Variants in BLMH observed in about 807,000 individuals in gnomAD.
BLMH encodes BLM hydrolase.
In BLMH, 32 loss-of-function variants were observed where a neutral mutation model predicts 61.6. That is an observed-to-expected ratio of 0.52 (90% CI 0.39 to 0.70). The LOEUF (loss-of-function observed/expected upper bound fraction) is 0.70, where lower values mean the gene tolerates loss of function less well. BLMH is among the 30% of genes least tolerant of loss of function. BLMH has a pLI of 0.00. For missense variants in BLMH, 460 were observed against 555.5 expected (o/e 0.83, Z 1.73); for synonymous variants, 183 against 193.8 (o/e 0.94, Z 0.46).
Position 30,249,293 on chromosome 17 carries a change from A to G in BLMH, c.1217-125T>C, listed in dbSNP as rs536704569. On this transcript the variant is annotated intron_variant, in intron 11 of 11. Transcript: ENST00000261714. The stretch of plus-strand genomic sequence containing the variant: ...CATATTTTTCAGCTTTCCCATCTGT[A>G]ATTTCATTTAATCTAAATCTTATTA... 1.5e-5 allele frequency: 15 copies of G among 992,552 alleles called. No individual in the cohort carries two copies. The East Asian group carries it at 3.4e-4, about 23-fold the overall frequency. The allele number at this position is 992,552 out of a possible 1,614,324, so 61.5% of individuals were successfully genotyped here.
intron 11 of BLMH, among the ~76,000 whole-genome samples, chr17:30,262,989 T>C (rs1908004425): frequency 6.6e-6 from 1 of 152,182 alleles, no homozygotes; most frequent in South Asian, 2.1e-4. Context: ...CCACAAATGA[T>C]GCTCTAGGGG....
intron 6 of BLMH, among the ~76,000 whole-genome samples, chr17:30,276,172 G>T (rs746032193): frequency 5.9e-5 from 9 of 152,094 alleles, no homozygotes; most frequent in Non-Finnish European, 1.3e-4. Flanking sequence ...TTGCTCCTTG[G>T]CTACAGGATT....
At chr17:30,287,696 T>C in intron 4 of BLMH, 110 bp downstream of exon 4, 1 of 1,282,140 alleles carries the variant, frequency 7.8e-7, no homozygotes, top group Non-Finnish European at 1.1e-6. Flanking sequence ...TATATCCTTC[T>C]TGGAGACCAA....
chr17:30,288,110 G>T, intron 3 of BLMH, 163 bp from the exon 4 acceptor site: 1 of 682,130 alleles, frequency 1.5e-6, no homozygotes, highest in Non-Finnish European at 2.3e-6. Context: ...TGTCATCCTT[G>T]TACAGAGGCC....
intron 11 of BLMH, among the ~76,000 whole-genome samples, chr17:30,260,791 G>A (rs532984877): frequency 2.6e-5 from 4 of 152,226 alleles, no homozygotes; most frequent in East Asian, 1.9e-4. Flanking sequence ...GCTGAGACAC[G>A]AGAATCGCTT....
At chr17:30,273,849 T>A (rs1324614815) in intron 7 of BLMH, 193 bp downstream of exon 7, 1 of 663,956 alleles carries the variant, frequency 1.5e-6, no homozygotes, top group African/African-American at 1.8e-5. Context: ...AGGAACATTG[T>A]GGAAAAGCTG....
intron 11 of BLMH, among the ~76,000 whole-genome samples, chr17:30,259,778 T>C (rs967516572): frequency 1.1e-4 from 17 of 152,154 alleles, no homozygotes; most frequent in African/African-American, 3.4e-4. Flanking sequence ...TAAATGTGAG[T>C]TGATGCTACT....
At chr17:30,291,581 A>C (rs1908891626) in intron 1 of BLMH, 73 bp from the exon 2 acceptor site, 2 of 1,568,824 alleles carry the variant, frequency 1.3e-6, no homozygotes, top group Non-Finnish European at 1.7e-6. Flanking sequence ...CCGCGTCCCG[A>C]ATCTAACTTC....
rs1908904972 is a variant in BLMH at position 30,291,876 on chromosome 17, C to T, written c.-57G>A. On this transcript the variant is annotated 5_prime_UTR_variant, in exon 1 of 12. Coordinates refer to ENST00000261714, the MANE Select transcript of BLMH (RefSeq NM_000386.4). ...GCTTCCAGGGTCCTTGGGCGAGCGC[C>T]GGGATTGCGCTGCGGCTCGCTGCCT... is the stretch of plus-strand genomic sequence containing the variant. 2 of 1,273,598 alleles carry T rather than the reference C, an allele frequency of 1.6e-6. No homozygotes were observed. The highest frequency in any genetic ancestry group is 2.0e-6 in the Non-Finnish European group (2 of 1,012,896). 78.9% of individuals were successfully genotyped at this position (1,273,598 alleles called of 1,614,324 possible). A position where few individuals can be genotyped will look rare whatever the true frequency, so the allele number is the denominator to read the frequency against.
chr17:30,272,062 T>A (rs1028076063), intron 9 of BLMH, among the ~76,000 whole-genome samples: 1 of 152,194 alleles, frequency 6.6e-6, no homozygotes, highest in Non-Finnish European at 1.5e-5. Flanking sequence ...AAATAGAGAA[T>A]GGTGAACAGT....
intron 3 of BLMH, chr17:30,288,280 T>C (rs999538104): frequency 4.3e-6 from 1 of 234,686 alleles, no homozygotes; most frequent in Non-Finnish European, 8.4e-6. Flanking sequence ...TATCCCAATA[T>C]ATTGTGTATA....
At chr17:30,260,696 A>G (rs1390545731) in intron 11 of BLMH, among the ~76,000 whole-genome samples, 1 of 152,042 alleles carries the variant, frequency 6.6e-6, no homozygotes, top group South Asian at 2.1e-4. Flanking sequence ...CCTGGCCAAC[A>G]GGTGAAACAC....
rs1907599192 is a variant in BLMH at position 30,248,920 on chromosome 17, C to A, written c.*97G>T. 2 of 1,434,098 alleles carry A rather than the reference C, an allele frequency of 1.4e-6. No homozygotes were observed. Among genetic ancestry groups the A allele is most frequent in the East Asian group, 2.3e-5 (1 of 43,630 alleles). The allele number at this position is 1,434,098 out of a possible 1,614,324, so 88.8% of individuals were successfully genotyped here. A position where few individuals can be genotyped will look rare whatever the true frequency, so the allele number is the denominator to read the frequency against. On this transcript the variant is annotated 3_prime_UTR_variant, in exon 12 of 12. Transcript: ENST00000261714. ...GAAATCTGACTGTGTCCTGTGGCAA[C>A]ACACAGTCCCTTGCATAACTTTGGC...
intron 11 of BLMH, among the ~76,000 whole-genome samples, chr17:30,255,924 ACT>A (rs1253550382): frequency 1.6e-4 from 24 of 152,220 alleles, no homozygotes; most frequent in Non-Finnish European, 1.9e-4. Flanking sequence ...ACAAGCTCTC[ACT>A]CTGTTACCCA....
intron 9 of BLMH, 76 bp downstream of exon 9, chr17:30,272,485 G>A (rs1597662684): frequency 6.5e-7 from 1 of 1,531,128 alleles, no homozygotes; most frequent in Non-Finnish European, 9.0e-7. Flanking sequence ...CCTCGGCAGA[G>A]TCATTTTGTA....
intron 10 of BLMH, 146 bp from the exon 11 acceptor site, chr17:30,267,100 A>C (rs1320276714): frequency 1.1e-5 from 7 of 662,072 alleles, no homozygotes; most frequent in Non-Finnish European, 1.9e-5. Context: ...CCTGCTCTAA[A>C]CAGTACTTGG....
chr17:30,289,531 C>T (rs745925379), intron 2 of BLMH, 49 bp from the exon 3 acceptor site: 1 of 1,299,070 alleles, frequency 7.7e-7, no homozygotes, highest in South Asian at 1.5e-5. Context: ...ACATAGACTG[C>T]ACTGCTCCAA....
chr17:30,288,090 T>C, intron 3 of BLMH, 143 bp from the exon 4 acceptor site: 1 of 844,166 alleles, frequency 1.2e-6, no homozygotes, highest in Non-Finnish European at 1.8e-6. Context: ...GAAACCTTCA[T>C]GAATTTGCAT....
chr17:30,291,397 T>C lies in BLMH; in HGVS notation c.125A>G (p.Lys42Arg), dbSNP rs377156615. 1.2e-6 allele frequency: 2 copies of C among 1,614,090 alleles called. No individual in the cohort carries two copies. Among genetic ancestry groups the C allele is most frequent in the Non-Finnish European group, 1.7e-6 (2 of 1,180,028 alleles). The change falls in exon 2 of 12, where the codon AAG becomes AGG. Residue 42 changes from lysine to arginine, a missense_variant. By Grantham distance (26) the Lys-to-Arg change is conservative. Around this residue, in one of 5 missense-constraint regions of BLMH, gnomAD observed 86 missense variants for 84.5 expected, o/e 1.02. Transcript: ENST00000261714. The part of the protein sequence containing the change: ...TTHDLLDICL[K>R]RATVQRAQHV... The stretch of plus-strand genomic sequence containing the variant: ...CTGCGCGCGCTGCACCGTGGCCCGC[T>C]TCAGACAGATGTCCAGCAGGTCGTG...
Sources: allele counts gnomAD v4.1 joint callset (sites outside exome capture counted in the v4.1 genomes callset), GRCh38; gene constraint gnomAD v4.1.1; regional missense constraint gnomAD v4.1.1; transcripts MANE v1.5; gene names NCBI Gene and HGNC (gene_info 2026-07-23, HGNC 2026-07-21).